Variants in PHF24 observed in about 807,000 individuals in gnomAD.
The protein encoded by PHF24 is Galpha inhibitory interacting protein.
A neutral mutation model predicts 42.6 loss-of-function variants in PHF24; 25 were observed. That is an observed-to-expected ratio of 0.59 (90% CI 0.43 to 0.82). The LOEUF is 0.82. Ranked by LOEUF, PHF24 falls within the 40% of genes least tolerant of loss-of-function variation. The pLI, the probability that PHF24 is intolerant of heterozygous loss-of-function variation, is 0.00. For synonymous variants in PHF24, 185 were observed against 204.8 expected (o/e 0.90, Z 0.83); for missense variants, 470 against 538.1 (o/e 0.87, Z 1.25).
At chr9:34,667,520 G>A in the PHF24 span, among the ~76,000 whole-genome samples, 2 of 152,166 alleles carry the variant, frequency 1.3e-5, no homozygotes, top group Non-Finnish European at 2.9e-5. Context: ...GTCTGGTGCC[G>A]AGGAACTAGA....
At chr9:34,727,885 C>T in the PHF24 span, 2 of 757,798 alleles carry the variant, frequency 2.6e-6, no homozygotes, top group African/African-American at 1.8e-5. Flanking sequence ...GCAACCCTCT[C>T]ACCCAGTGTC....
At chr9:34,922,773 T>C in the PHF24 span, 1 of 1,592,382 alleles carries the variant, frequency 6.3e-7, no homozygotes, top group Non-Finnish European at 8.5e-7. Flanking sequence ...TCCTACAACA[T>C]TTTTATAAGC....
the PHF24 span, among the ~76,000 whole-genome samples, chr9:34,915,754 G>A: frequency 6.6e-6 from 1 of 152,310 alleles, no homozygotes; most frequent in East Asian, 1.9e-4. Flanking sequence ...TGTGCAGAAA[G>A]GAGCTTAAGA....
chr9:34,674,469 G>T, the PHF24 span, among the ~76,000 whole-genome samples: 1 of 152,252 alleles, frequency 6.6e-6, no homozygotes, highest in Admixed American at 6.5e-5. Context: ...GATTCTGTGG[G>T]CCATACAGTC....
At chr9:34,697,852 A>T in the PHF24 span, among the ~76,000 whole-genome samples, 1 of 152,170 alleles carries the variant, frequency 6.6e-6, no homozygotes, top group Non-Finnish European at 1.5e-5. Flanking sequence ...GCTAGACATG[A>T]GGTTGTGAGA....
At chr9:34,889,151 G>A in the PHF24 span, 1 of 398,464 alleles carries the variant, frequency 2.5e-6, no homozygotes, top group Non-Finnish European at 4.4e-6. Flanking sequence ...CTTTTTCAGG[G>A]GATTGCAGAG....
At chr9:34,895,184 T>C in the PHF24 span, 1 of 397,882 alleles carries the variant, frequency 2.5e-6, no homozygotes, top group East Asian at 3.6e-5. Context: ...TTTTTCTGTG[T>C]TCCAATTTTA....
exon 8 of PHF24, chr9:34,978,818 G>C (rs546602897): frequency 1.3e-5 from 2 of 152,278 alleles, no homozygotes; most frequent in East Asian, 1.9e-4. Flanking sequence ...ACTGGAAGAG[G>C]GGGAGGCAGC....
At chr9:34,723,822 C>A in the PHF24 span, 2 of 1,551,582 alleles carry the variant, frequency 1.3e-6, no homozygotes, top group South Asian at 2.4e-5. Context: ...GTTTGACTGT[C>A]TTGCAGGTCC....
the PHF24 span, chr9:34,723,212 T>C: frequency 1.3e-6 from 2 of 1,547,118 alleles, no homozygotes; most frequent in African/African-American, 2.7e-5. Context: ...AATGTTTCTA[T>C]CTGAGGTGAG....
the PHF24 span, among the ~76,000 whole-genome samples, chr9:34,849,609 T>G: frequency 6.6e-6 from 1 of 152,338 alleles, no homozygotes; most frequent in East Asian, 1.9e-4. Context: ...ACCTTTAAAG[T>G]TAATATTGTT....
the PHF24 span, among the ~76,000 whole-genome samples, chr9:34,949,681 G>A: frequency 1.2e-4 from 19 of 152,248 alleles, no homozygotes; most frequent in African/African-American, 4.6e-4. Flanking sequence ...AAAAAAGAAT[G>A]AGTTCGTGTC....
the PHF24 span, among the ~76,000 whole-genome samples, chr9:34,783,246 G>A: frequency 6.6e-6 from 1 of 152,170 alleles, no homozygotes; most frequent in African/African-American, 2.4e-5. Flanking sequence ...GTGAAAGGAA[G>A]CAAGTTACAC....
the PHF24 span, among the ~76,000 whole-genome samples, chr9:34,907,991 C>T: frequency 2.0e-5 from 3 of 152,018 alleles, no homozygotes; most frequent in East Asian, 5.8e-4. Flanking sequence ...TACAGGTGCC[C>T]GCCACCACAC....
At chr9:34,874,007 G>A in the PHF24 span, among the ~76,000 whole-genome samples, 1 of 152,272 alleles carries the variant, frequency 6.6e-6, no homozygotes, top group African/African-American at 2.4e-5. Context: ...GTCTGTTACT[G>A]GTGTATAAGA....
chr9:34,917,215 A>G, the PHF24 span: 3 of 1,437,308 alleles, frequency 2.1e-6, no homozygotes, highest in African/African-American at 2.8e-5. Flanking sequence ...AAAGGCATCA[A>G]GCAGGTGTAC....
At chr9:34,936,835 A>G in the PHF24 span, among the ~76,000 whole-genome samples, 3 of 139,546 alleles carry the variant, frequency 2.1e-5, no homozygotes, top group Non-Finnish European at 4.6e-5. Flanking sequence ...CTGCCTGGCA[A>G]CCGCCCCGTC....
At chr9:34,692,462 A>G in the PHF24 span, among the ~76,000 whole-genome samples, 1 of 152,042 alleles carries the variant, frequency 6.6e-6, no homozygotes, top group African/African-American at 2.4e-5. Flanking sequence ...CATGATTTGG[A>G]CCCAGGTGTG....
the PHF24 span, among the ~76,000 whole-genome samples, chr9:34,674,010 C>T: frequency 2.3e-4 from 35 of 152,214 alleles, no homozygotes; most frequent in Non-Finnish European, 4.7e-4. Context: ...CCTGCCTCAG[C>T]CTCCCAAAGT....
Sources: gnomAD v4.1 joint callset for allele counts (sites outside exome capture counted in the v4.1 genomes callset) on GRCh38, gnomAD v4.1.1 for gene constraint, MANE v1.5 for transcripts, NCBI Gene and HGNC (gene_info 2026-07-23, HGNC 2026-07-21) for gene names.